Variants in PLB1 observed in about 807,000 individuals in gnomAD.
PLB1 encodes the protein phospholipase B1, also known as phospholipase B1, membrane-associated.
PLB1 carries 242 observed loss-of-function variants against 227.4 expected under a neutral mutation model. That is an observed-to-expected ratio of 1.06 (90% CI 0.96 to 1.18). The LOEUF (loss-of-function observed/expected upper bound fraction) is 1.18. Among genes scored for constraint, PLB1 ranks in the 50% most tolerant of loss-of-function variants. The probability of loss-of-function intolerance (pLI) is 0.00; values close to 1 mark genes in which losing one functional copy is unlikely to be tolerated. For synonymous variants in PLB1, 757 were observed against 682.2 expected, an observed-to-expected ratio of 1.11 and a Z score of -1.71; for missense variants, 1,858 against 1,816.3, an observed-to-expected ratio of 1.02 and a Z score of -0.42.
At chr2:28,626,624 T>G in intron 51 of PLB1, 116 bp downstream of exon 51, 2 of 910,656 alleles carry the variant, frequency 2.2e-6, no homozygotes, top group Non-Finnish European at 3.5e-6. Context: ...GGAACCACAT[T>G]TGCCTGCTGC....
At chr2:28,545,310 G>T (rs1222192164) in intron 14 of PLB1, among the ~76,000 whole-genome samples, 1 of 152,172 alleles carries the variant, frequency 6.6e-6, no homozygotes, top group Non-Finnish European at 1.5e-5. Context: ...GGGGGGCAGG[G>T]AGAGACAGGA....
In PLB1 at chr2:28,541,693, G is replaced by T. The variant is rs1672505958; in HGVS notation, c.775-14G>T. 1.2e-6 allele frequency: 2 copies of T among 1,607,516 alleles called. No homozygotes were observed. The highest frequency in any genetic ancestry group is 1.7e-6 in the Non-Finnish European group (2 of 1,174,568). Reference sequence around the variant, plus strand: ...CATGTTCCTGGATGGGCACCTCTCTGCTCCCTTCTCCAGGAAGCCTGGAAC... The same window carrying T: ...CATGTTCCTGGATGGGCACCTCTCTTCTCCCTTCTCCAGGAAGCCTGGAAC... On this transcript the variant is annotated splice_polypyrimidine_tract_variant and intron_variant, in intron 12 of 57. Transcript: ENST00000327757.
chr2:28,608,152 C>G (rs766248380), intron 43 of PLB1, among the ~76,000 whole-genome samples: 18 of 152,192 alleles, frequency 1.2e-4, no homozygotes, highest in Non-Finnish European at 2.1e-4. Flanking sequence ...GATCCAGCCT[C>G]GTGGAACCAG....
At chr2:28,507,238 C>T (rs1667736989) in intron 1 of PLB1, among the ~76,000 whole-genome samples, 1 of 152,172 alleles carries the variant, frequency 6.6e-6, no homozygotes, top group Admixed American at 6.5e-5. Context: ...TCTGGGTTGG[C>T]CTCAGCTGTC....
intron 56 of PLB1, among the ~76,000 whole-genome samples, chr2:28,639,071 A>G (rs1047140998): frequency 1.3e-5 from 2 of 151,550 alleles, no homozygotes; most frequent in Non-Finnish European, 2.9e-5. Flanking sequence ...CCATCTAAAA[A>G]AAAAAAAAAA....
Position 28,625,045 on chromosome 2 carries a change from C to G in PLB1, c.3528-12C>G. The G allele has an allele frequency of 6.2e-7, 1 of 1,612,038 alleles. No homozygotes were observed. Among genetic ancestry groups the G allele is most frequent in the South Asian group, 1.1e-5 (1 of 90,838 alleles). On this transcript the variant is annotated splice_polypyrimidine_tract_variant and intron_variant, in intron 49 of 57. Transcript: ENST00000327757. ...GCCGGCACTAACGCCCCTCTCTCTA[C>G]CCCCCACCTAGGGACATGCCAGCCC...
chr2:28,642,735 G>C (rs925618908), intron 57 of PLB1, 123 bp from the exon 58 acceptor site: 7 of 851,360 alleles, frequency 8.2e-6, no homozygotes, highest in Non-Finnish European at 1.1e-5. Context: ...TTACAAAAGG[G>C]AAGCTCTGTG....
intron 9 of PLB1, 98 bp downstream of exon 9, chr2:28,532,292 G>A (rs1671122289): frequency 5.5e-6 from 5 of 909,326 alleles, no homozygotes; most frequent in South Asian, 3.3e-5. Flanking sequence ...CTGTCAGGAT[G>A]GGGCTAATGC....
In PLB1 at chr2:28,532,095, C is replaced by T. The variant is rs767855702; in HGVS notation, c.469-13C>T. The T allele has an allele frequency of 5.0e-6, 8 of 1,598,366 alleles. No homozygotes were observed. The highest frequency in any genetic ancestry group is 3.3e-4 in the Middle Eastern group (2 of 6,050). ...ACACAATCTCCTTTTCATGCTGTTG[C>T]CCTTTTATTCAGCAACTTGACTTTC... On this transcript the variant is annotated splice_polypyrimidine_tract_variant and intron_variant, in intron 8 of 57. Coordinates refer to ENST00000327757, the MANE Select transcript of PLB1 (RefSeq NM_153021.5).
chr2:28,634,726 A>G (rs1689093732), intron 56 of PLB1, among the ~76,000 whole-genome samples: 1 of 150,486 alleles, frequency 6.6e-6, no homozygotes, highest in Non-Finnish European at 1.5e-5. Context: ...TGGGCAACAC[A>G]GGGGAGATTC....
At chr2:28,600,307 A>G (rs553420189) in intron 35 of PLB1, among the ~76,000 whole-genome samples, 4 of 152,350 alleles carry the variant, frequency 2.6e-5, no homozygotes, top group African/African-American at 9.6e-5. Flanking sequence ...ACAAAAGAAT[A>G]TACGTAAGAG....
chr2:28,591,692 G>A lies in PLB1; in HGVS notation c.2128-8G>A, dbSNP rs761815817. 5 of 1,613,708 alleles carry A rather than the reference G, an allele frequency of 3.1e-6. No individual in the cohort carries two copies. Among genetic ancestry groups the A allele is most frequent in the Admixed American group, 1.7e-5 (1 of 59,996 alleles). ...CCTGAGATTCTGGGATTTGTTCTAT[G>A]CCCTTAGGGTCATGGGACCTGGCTG... On this transcript the variant is annotated splice_region_variant and splice_polypyrimidine_tract_variant and intron_variant, in intron 30 of 57. Coordinates refer to ENST00000327757, the MANE Select transcript of PLB1 (RefSeq NM_153021.5).
At chr2:28,622,164 C>T (rs1023659208) in intron 49 of PLB1, among the ~76,000 whole-genome samples, 2 of 152,152 alleles carry the variant, frequency 1.3e-5, no homozygotes, top group African/African-American at 4.8e-5. Flanking sequence ...TATCTCTATT[C>T]TGTTGTTTAT....
intron 16 of PLB1, among the ~76,000 whole-genome samples, chr2:28,550,322 AC>A (rs1315047467): frequency 6.6e-6 from 1 of 151,506 alleles, no homozygotes; most frequent in African/African-American, 2.4e-5. Context: ...ACAGGCGCAC[AC>A]CACCATGCCT....
Position 28,617,783 on chromosome 2 carries a change from C to T in PLB1, c.3252C>T (p.Thr1084=), listed in dbSNP as rs1686405463. 6.2e-7 allele frequency: 1 copy of T among 1,613,604 alleles called. No individual in the cohort carries two copies. The highest frequency in any genetic ancestry group is 1.3e-5 in the African/African-American group (1 of 74,926). Residue 1084 remains threonine, a synonymous_variant, in exon 45 of 58, where the codon ACC becomes ACT. Coordinates refer to ENST00000327757, the MANE Select transcript of PLB1 (RefSeq NM_153021.5). ...TEWKASNSVP[T]SVHQLRPADI... The stretch of plus-strand genomic sequence containing the variant: ...GGAAGGCTTCCAATAGTGTTCCAAC[C>T]TCTGGTGAGTGAAAACATCATCATC...
At chr2:28,580,340 G>A (rs1010512914) in intron 23 of PLB1, among the ~76,000 whole-genome samples, 5 of 152,324 alleles carry the variant, frequency 3.3e-5, no homozygotes, top group Admixed American at 6.5e-5. Flanking sequence ...CACTGCCAGC[G>A]GAGAGAGAGA....
At chr2:28,591,657 C>G (rs527413700) in intron 30 of PLB1, 43 bp from the exon 31 acceptor site, 1 of 1,596,674 alleles carries the variant, frequency 6.3e-7, no homozygotes, top group African/African-American at 1.3e-5. Flanking sequence ...TTTTTCTGGT[C>G]CCTTTCAACC....
chr2:28,538,331 G>T lies in PLB1; in HGVS notation c.568G>T (p.Ala190Ser), dbSNP rs1246885515. Residue 190 changes from alanine (A) to serine (S), a missense_variant, in exon 10 of 58, where the codon GCG (alanine) becomes TCG (serine). Physicochemically the swap from Ala to Ser is moderately conservative, Grantham distance 99 (BLOSUM62 1). Transcript: ENST00000327757. ...CPSAQQNGLA[A>S]GGVDELMGVL... is the part of the protein sequence containing the mutation. The stretch of plus-strand genomic sequence containing the variant: ...TCTCCTCTCACAGAATGGGCTTGCG[G>T]CGGGCGGCGTGGATGAGCTGATGGG... The T allele has an allele frequency of 2.5e-6, 4 of 1,613,608 alleles. No homozygotes were observed. Among genetic ancestry groups the T allele is most frequent in the Non-Finnish European group, 3.4e-6 (4 of 1,179,932 alleles).
chr2:28,635,998 T>C (rs1355728854), intron 56 of PLB1, among the ~76,000 whole-genome samples: 3 of 151,566 alleles, frequency 2.0e-5, no homozygotes, highest in East Asian at 1.9e-4. Flanking sequence ...TATGTGTGTA[T>C]GTATGTGTAT....
Sources: allele counts gnomAD v4.1 joint callset (sites outside exome capture counted in the v4.1 genomes callset), GRCh38; gene constraint gnomAD v4.1.1; transcripts MANE v1.5; gene names NCBI Gene and HGNC (gene_info 2026-07-23, HGNC 2026-07-21).